Variants in TMEM135 observed in about 807,000 individuals in gnomAD.
The protein encoded by TMEM135 is peroxisomal membrane protein 52.
TMEM135 carries 30 observed loss-of-function variants against 60.3 expected under a neutral mutation model. That is an observed-to-expected ratio of 0.50 (90% CI 0.37 to 0.68). The LOEUF (loss-of-function observed/expected upper bound fraction) is 0.68. Among genes scored for constraint, TMEM135 ranks in the 30% least tolerant of loss-of-function variants. The probability of loss-of-function intolerance (pLI) is 0.00; values close to 1 mark genes in which losing one functional copy is unlikely to be tolerated. For synonymous variants in TMEM135, 190 were observed against 186.7 expected (o/e 1.02, Z -0.14); for missense variants, 468 against 548.8 (o/e 0.85, Z 1.47).
intron 5 of TMEM135, chr11:87,178,361 CTT>C: frequency 2.2e-6 from 1 of 454,656 alleles, no homozygotes; most frequent in Non-Finnish European, 4.4e-6. Flanking sequence ...TCTAAACTCT[CTT>C]TTTCTGAAAA....
At chr11:87,128,227 T>C (rs2135227294) in intron 4 of TMEM135, among the ~76,000 whole-genome samples, 1 of 152,322 alleles carries the variant, frequency 6.6e-6, no homozygotes, top group South Asian at 2.1e-4. Context: ...ACCCCCTTTT[T>C]CCTAGTCTTA....
At chr11:87,096,211 C>G in intron 4 of TMEM135, 1 of 298,298 alleles carries the variant, frequency 3.4e-6, no homozygotes, top group Non-Finnish European at 6.7e-6. Flanking sequence ...TCTACAAATT[C>G]TTCGTCCTTA....
chr11:87,278,403 G>A (rs1466881395), intron 6 of TMEM135, among the ~76,000 whole-genome samples: 2 of 146,118 alleles, frequency 1.4e-5, no homozygotes, highest in African/African-American at 5.1e-5. Context: ...TTGAGACAGA[G>A]TCTCACTCTG....
At chr11:87,125,820 A>T (rs1036801115) in intron 4 of TMEM135, among the ~76,000 whole-genome samples, 3 of 152,228 alleles carry the variant, frequency 2.0e-5, no homozygotes, top group African/African-American at 7.2e-5. Flanking sequence ...AAATTATAAG[A>T]GCTCTAGAAA....
rs146647173 is a variant in TMEM135 at position 87,131,299 on chromosome 11, C to G, written c.397-26042C>G. On this transcript the variant is annotated intron_variant, in intron 4 of 14. Coordinates refer to ENST00000305494, the MANE Select transcript of TMEM135 (RefSeq NM_022918.4). ...TGGACAAATACATAATGTCATATAT[C>G]CACCATTACGGTATCATACAGAATA... is the stretch of plus-strand genomic sequence containing the variant. 3.4e-5 allele frequency among the ~76,000 whole-genome samples: 5 copies of G among 147,866 alleles called. No homozygotes were observed. The East Asian group carries it at 1.0e-3, about 30-fold the overall frequency.
In TMEM135 at chr11:87,323,076, G is replaced by A; in HGVS notation, c.*1743G>A. On this transcript the variant is annotated 3_prime_UTR_variant, in exon 15 of 15. Coordinates refer to ENST00000305494, the MANE Select transcript of TMEM135 (RefSeq NM_022918.4). ...ATTGTGCTTATATATTTTCCTGTCA[G>A]GTTTAAAAAGATGTTTTAATTCATA... 1 of 453,780 alleles carries A rather than the reference G, an allele frequency of 2.2e-6. No homozygotes were observed. The highest frequency in any genetic ancestry group is 1.6e-5 in the South Asian group (1 of 64,240). 28.1% of individuals were successfully genotyped at this position (453,780 alleles called of 1,614,324 possible).
At chr11:87,104,726 T>C (rs1857550088) in intron 4 of TMEM135, among the ~76,000 whole-genome samples, 1 of 152,140 alleles carries the variant, frequency 6.6e-6, no homozygotes, top group Non-Finnish European at 1.5e-5. Context: ...AATAGTTGAG[T>C]ATTAGTGTAT....
At position 87,259,663 on chromosome 11, in the gene TMEM135, C is replaced by G. The variant is rs546606817; in HGVS notation, c.509+22979C>G. ...GTACACCATCGATATACAAGTTCAT[C>G]TAAAATTCACAGCAAAACAGAATAT... is the stretch of plus-strand genomic sequence containing the variant. On this transcript the variant is annotated intron_variant, in intron 6 of 14. Transcript: ENST00000305494. Among the ~76,000 whole-genome samples the G allele has an allele frequency of 5.3e-5, 8 of 152,270 alleles. No homozygotes were observed. The East Asian group carries it at 1.5e-3, about 29-fold the overall frequency.
At chr11:87,264,533 T>C (rs1385690902) in intron 6 of TMEM135, among the ~76,000 whole-genome samples, 2 of 151,930 alleles carry the variant, frequency 1.3e-5, no homozygotes, top group Non-Finnish European at 2.9e-5. Context: ...CATTAGCATA[T>C]GTTTATAATC....
chr11:87,284,402 A>G (rs1194346561), intron 6 of TMEM135, among the ~76,000 whole-genome samples: 2 of 152,224 alleles, frequency 1.3e-5, no homozygotes, highest in African/African-American at 2.4e-5. Context: ...TTTAAAGCAG[A>G]AACAGTTCCA....
intron 5 of TMEM135, among the ~76,000 whole-genome samples, chr11:87,205,110 G>A (rs532969027): frequency 6.6e-6 from 1 of 152,230 alleles, no homozygotes; most frequent in African/African-American, 2.4e-5. Context: ...AAGTCTGACT[G>A]TCATCTATGT....
intron 3 of TMEM135, among the ~76,000 whole-genome samples, chr11:87,083,345 CTTTG>C (rs1274330135): frequency 7.2e-5 from 11 of 152,172 alleles, no homozygotes; most frequent in African/African-American, 2.4e-4. Context: ...CTAGGAAGTG[CTTTG>C]TTTGTGGTTT....
chr11:87,201,889 T>A (rs1038573229), intron 5 of TMEM135, among the ~76,000 whole-genome samples: 5 of 152,144 alleles, frequency 3.3e-5, no homozygotes, highest in Non-Finnish European at 7.3e-5. Context: ...AAATCTGTCT[T>A]ATGATAAAGA....
chr11:87,150,674 C>T (rs73525145), intron 4 of TMEM135, among the ~76,000 whole-genome samples: 107 of 152,270 alleles, frequency 7.0e-4, no homozygotes, highest in African/African-American at 2.5e-3. Context: ...CTATTACTAA[C>T]TCCCTAACTT....
intron 4 of TMEM135, among the ~76,000 whole-genome samples, chr11:87,107,811 G>C (rs1471526541): frequency 1.3e-5 from 2 of 152,132 alleles, no homozygotes; most frequent in Non-Finnish European, 2.9e-5. Context: ...GGTATTTCTA[G>C]TTCTAGATCC....
intron 5 of TMEM135, among the ~76,000 whole-genome samples, chr11:87,216,983 G>T (rs565547803): frequency 6.6e-6 from 1 of 152,252 alleles, no homozygotes; most frequent in South Asian, 2.1e-4. Context: ...TGAGTATATT[G>T]ATGGAGGCAT....
chr11:87,295,627 T>G (rs1010872905), intron 6 of TMEM135, among the ~76,000 whole-genome samples, 155 bp from the exon 7 acceptor site: 5 of 152,210 alleles, frequency 3.3e-5, no homozygotes, highest in Admixed American at 1.3e-4. Flanking sequence ...TAAGGTGACT[T>G]ACTTCATTGC....
rs370416954 is a variant in TMEM135, at chr11:87,228,171, C to T, written c.463-8467C>T. Among the ~76,000 whole-genome samples, 17 of 152,236 alleles carry T rather than the reference C, an allele frequency of 1.1e-4. No homozygotes were observed. In the South Asian group the frequency reaches 1.7e-3, roughly 15 times the overall value. On this transcript the variant is annotated intron_variant, in intron 5 of 14. Transcript: ENST00000305494. Reference sequence around the variant, plus strand: ...TATTGGAATATGCCTGCATTTCCACCAAACTATGTTCTTCAGGGCAACAAG... The same window carrying T: ...TATTGGAATATGCCTGCATTTCCACTAAACTATGTTCTTCAGGGCAACAAG...
chr11:87,172,168 G>A (rs942782246), intron 5 of TMEM135, among the ~76,000 whole-genome samples: 4 of 152,088 alleles, frequency 2.6e-5, no homozygotes, highest in Admixed American at 6.6e-5. Flanking sequence ...TTGTCTATGA[G>A]GTCCAGTTTG....
Sources: gnomAD v4.1 joint callset for allele counts (sites outside exome capture counted in the v4.1 genomes callset) on GRCh38, gnomAD v4.1.1 for gene constraint, MANE v1.5 for transcripts, NCBI Gene and HGNC (gene_info 2026-07-23, HGNC 2026-07-21) for gene names.